The following GSTO1 variants were observed in gnomAD, a reference collection of about 807,000 sequenced individuals.
The protein encoded by GSTO1 is glutathione S-transferase omega-1.
A neutral mutation model predicts 23.8 loss-of-function variants in GSTO1; 27 were observed. The observed-to-expected ratio is 1.13, with a 90% CI of 0.83 to 1.56. GSTO1 has a LOEUF of 1.56. GSTO1 is among the 40% of genes most tolerant of loss of function. The probability of loss-of-function intolerance (pLI) is 0.00; values close to 1 mark genes in which losing one functional copy is unlikely to be tolerated. For synonymous variants in GSTO1, 105 were observed against 109.3 expected (o/e 0.96, Z 0.25); for missense variants, 255 against 285.8 (o/e 0.89, Z 0.78).
At chr10:104,259,447 T>C (rs950147771) in intron 2 of GSTO1, 129 bp from the exon 3 acceptor site, 1 of 614,430 alleles carries the variant, frequency 1.6e-6, no homozygotes, top group Non-Finnish European at 2.9e-6. Flanking sequence ...AAAACTAGAA[T>C]GGAAGGAATC....
At chr10:104,264,342 T>A (rs1024023645) in intron 4 of GSTO1, among the ~76,000 whole-genome samples, 4 of 152,212 alleles carry the variant, frequency 2.6e-5, no homozygotes, top group African/African-American at 9.6e-5. Context: ...GAAAGTAAGA[T>A]GCAGTCCATA....
chr10:104,257,473 C>T (rs12253067), intron 2 of GSTO1, among the ~76,000 whole-genome samples: 11,183 of 151,672 alleles, frequency 0.074, 1,387 homozygotes, highest in African/African-American at 0.26. Flanking sequence ...CCGGAGTAGC[C>T]GAGACTACAG....
chr10:104,258,303 C>T (rs942284714), intron 2 of GSTO1, among the ~76,000 whole-genome samples: 1 of 152,106 alleles, frequency 6.6e-6, no homozygotes, highest in African/African-American at 2.4e-5. Context: ...TAAAAGAAAA[C>T]ATAGGGGAAA....
At chr10:104,262,956 C>G (rs1271509090) in intron 3 of GSTO1, 23 bp from the exon 4 acceptor site, 3 of 1,052,234 alleles carry the variant, frequency 2.9e-6, no homozygotes, top group Non-Finnish European at 4.4e-6. Flanking sequence ...AACTGATAAA[C>G]TAAGAAATTA....
chr10:104,259,035 GCA>G (rs936428466), intron 2 of GSTO1, among the ~76,000 whole-genome samples: 14 of 152,284 alleles, frequency 9.2e-5, no homozygotes, highest in African/African-American at 3.1e-4. Flanking sequence ...CAGAACCTTT[GCA>G]CACTGTTGGC....
In GSTO1 at chr10:104,255,172, C is replaced by T. The variant is rs777727184; in HGVS notation, c.44C>T (p.Pro15Leu). The T allele has an allele frequency of 3.1e-6, 5 of 1,612,936 alleles. No individual in the cohort carries two copies. The highest frequency in any genetic ancestry group is 3.4e-6 in the Non-Finnish European group (4 of 1,179,222). ...CGCTTCTCCCCGGCAGGAAGCGCGC[C>T]CCCGGGGCCGGTCCCGGAGGGCTCG... ...SARSLGKGSA[P>L]PGPVPEGSIR... The change falls in exon 2 of 6, where the codon CCC (proline) becomes CTC (leucine). Residue 15 changes from proline (P) to leucine (L), a missense_variant. Transcript: ENST00000369713.
At chr10:104,262,955 A>C in intron 3 of GSTO1, 24 bp from the exon 4 acceptor site, 1 of 1,027,374 alleles carries the variant, frequency 9.7e-7, no homozygotes, top group Non-Finnish European at 1.5e-6. Flanking sequence ...AAACTGATAA[A>C]CTAAGAAATT....
At chr10:104,261,456 A>C (rs965393243) in intron 3 of GSTO1, among the ~76,000 whole-genome samples, 1 of 152,170 alleles carries the variant, frequency 6.6e-6, no homozygotes, top group African/African-American at 2.4e-5. Flanking sequence ...CTCTCCTGGG[A>C]ACTTGGAAAT....
intron 4 of GSTO1, 89 bp from the exon 5 acceptor site, chr10:104,265,995 C>T: frequency 2.9e-6 from 2 of 685,508 alleles, no homozygotes; most frequent in South Asian, 1.9e-5. Flanking sequence ...CTGCTTCTCT[C>T]ACCTGCTCTA....
At chr10:104,263,808 T>A (rs1341580851) in intron 4 of GSTO1, among the ~76,000 whole-genome samples, 1 of 152,204 alleles carries the variant, frequency 6.6e-6, no homozygotes, top group Non-Finnish European at 1.5e-5. Flanking sequence ...TTTAAAAAAG[T>A]CATAAATGTT....
chr10:104,264,843 T>C (rs2011166482), intron 4 of GSTO1, among the ~76,000 whole-genome samples: 1 of 152,250 alleles, frequency 6.6e-6, no homozygotes, highest in African/African-American at 2.4e-5. Context: ...AAAATATTTA[T>C]AAAGTGTTGA....
intron 2 of GSTO1, among the ~76,000 whole-genome samples, chr10:104,257,354 T>G (rs2011105084): frequency 6.6e-6 from 1 of 151,642 alleles, no homozygotes; most frequent in Admixed American, 6.6e-5. Context: ...TTTTTTTTTT[T>G]TTTCGAGACA....
At chr10:104,263,682 C>T (rs1435771481) in intron 4 of GSTO1, among the ~76,000 whole-genome samples, 11 of 152,148 alleles carry the variant, frequency 7.2e-5, no homozygotes, top group Non-Finnish European at 1.5e-4. Context: ...GACATAGTTC[C>T]TGTCTTTCAT....
Position 104,267,216 on chromosome 10 carries a change from C to A in GSTO1, c.573-36C>A, listed in dbSNP as rs767149170. On this transcript the variant is annotated intron_variant, in intron 5 of 5. Coordinates refer to ENST00000369713, the MANE Select transcript of GSTO1 (RefSeq NM_004832.3). ...ACTCTGTGATGTCATCCTAGTTGAC[C>A]TAGCTCACACCTTTCATTTTTTCCT... The A allele has an allele frequency of 6.6e-6, 10 of 1,511,390 alleles. No homozygotes were observed. The South Asian group carries it at 1.1e-4, about 17-fold the overall frequency. The allele number at this position is 1,511,390 out of a possible 1,614,324, so 93.6% of individuals were successfully genotyped here.
At chr10:104,263,613 C>CTGT (rs2011156517) in intron 4 of GSTO1, among the ~76,000 whole-genome samples, 1 of 152,162 alleles carries the variant, frequency 6.6e-6, no homozygotes, top group African/African-American at 2.4e-5. Context: ...GCCTTGGAGT[C>CTGT]TGTCTCTTGG....
At chr10:104,255,400 C>T (rs2091598385) in intron 2 of GSTO1, 129 bp downstream of exon 2, 1 of 629,488 alleles carries the variant, frequency 1.6e-6, no homozygotes, top group Admixed American at 2.9e-5. Context: ...TTAAACTATT[C>T]TCGGCCCTTT....
At chr10:104,259,967 C>T (rs538855998) in intron 3 of GSTO1, among the ~76,000 whole-genome samples, 169 bp downstream of exon 3, 1 of 152,314 alleles carries the variant, frequency 6.6e-6, no homozygotes, top group South Asian at 2.1e-4. Context: ...CTGTTTACCT[C>T]CAAAATTATC....
chr10:104,264,788 AGCCT>A (rs2011165774), intron 4 of GSTO1, among the ~76,000 whole-genome samples: 1 of 152,242 alleles, frequency 6.6e-6, no homozygotes, highest in Non-Finnish European at 1.5e-5. Context: ...AACTTCCATT[AGCCT>A]GCAATTAGGC....
At chr10:104,256,787 T>TTA (rs2011103741) in intron 2 of GSTO1, among the ~76,000 whole-genome samples, 1 of 152,048 alleles carries the variant, frequency 6.6e-6, no homozygotes, top group African/African-American at 2.4e-5. Context: ...TTTTTTTTTT[T>TTA]AAATAACAAA....
Sources: gnomAD v4.1 joint callset for allele counts (sites outside exome capture counted in the v4.1 genomes callset) on GRCh38, gnomAD v4.1.1 for gene constraint, MANE v1.5 for transcripts, NCBI Gene and HGNC (gene_info 2026-07-23, HGNC 2026-07-21) for gene names.